The following TMTC2 variants were observed in gnomAD, a reference collection of about 807,000 sequenced individuals.
The protein encoded by TMTC2 is protein O-mannosyl-transferase TMTC2.
TMTC2 carries 43 observed loss-of-function variants against 82.4 expected under a neutral mutation model. The observed-to-expected ratio is 0.52, with a 90% confidence interval of 0.41 to 0.67. The LOEUF (loss-of-function observed/expected upper bound fraction) is 0.67, where lower values mean the gene tolerates loss of function less well. TMTC2 is among the 30% of genes least tolerant of loss of function. The probability of loss-of-function intolerance (pLI) is 0.00; values close to 1 mark genes in which losing one functional copy is unlikely to be tolerated. For synonymous variants in TMTC2, 408 were observed against 381.9 expected, an observed-to-expected ratio of 1.07 and a Z score of -0.80; for missense variants, 919 against 1,012.4, an observed-to-expected ratio of 0.91 and a Z score of 1.25.
rs1456761306 is a variant in TMTC2 at position 82,724,379 on chromosome 12, G to GT, written c.83+36711dup. Among the ~76,000 whole-genome samples, 4 of 152,226 alleles carry GT rather than the reference G, an allele frequency of 2.6e-5. No individual in the cohort carries two copies. In the East Asian group the frequency reaches 7.7e-4, roughly 29 times the overall value. On this transcript the variant is annotated intron_variant, in intron 1 of 11. Coordinates refer to ENST00000321196, the MANE Select transcript of TMTC2 (RefSeq NM_152588.3). ...TCGAATTGTATATGTATAACCCCCC[G>GT]TGTTGAGGGAGGAACCTAGTGGGAG...
chr12:82,960,430 G>T (rs2137294277), intron 4 of TMTC2, among the ~76,000 whole-genome samples: 1 of 152,120 alleles, frequency 6.6e-6, no homozygotes, highest in East Asian at 1.9e-4. Context: ...AATCACCAGG[G>T]AATACTACAC....
intron 1 of TMTC2, among the ~76,000 whole-genome samples, chr12:82,838,809 A>G (rs1870187193): frequency 6.9e-6 from 1 of 144,560 alleles, no homozygotes; most frequent in Non-Finnish European, 1.5e-5. Context: ...TGAGATGAGT[A>G]GGACGATGGC....
intron 8 of TMTC2, among the ~76,000 whole-genome samples, chr12:83,018,774 G>A (rs367652971): frequency 3.3e-5 from 5 of 151,644 alleles, no homozygotes; most frequent in African/African-American, 1.2e-4. Context: ...CGGAAACTAT[G>A]CCATCCATCA....
intron 1 of TMTC2, among the ~76,000 whole-genome samples, chr12:82,844,410 A>T (rs569217450): frequency 6.6e-5 from 10 of 152,306 alleles, no homozygotes; most frequent in African/African-American, 2.2e-4. Flanking sequence ...AGGCACAAAG[A>T]TTATACCTTT....
intron 3 of TMTC2, among the ~76,000 whole-genome samples, chr12:82,904,728 C>T (rs562906248): frequency 2.0e-5 from 3 of 152,248 alleles, no homozygotes; most frequent in South Asian, 2.1e-4. Flanking sequence ...CATATTGATT[C>T]GTATTTGCTT....
chr12:82,744,581 T>TAAAAAAA (rs369793885), intron 1 of TMTC2, among the ~76,000 whole-genome samples: 2,446 of 115,496 alleles, frequency 0.021, 107 homozygotes, highest in Middle Eastern at 0.097. Flanking sequence ...ACTCTGACTC[T>TAAAAAAA]AAAAAAAAAA....
intron 1 of TMTC2, among the ~76,000 whole-genome samples, chr12:82,735,747 A>G (rs1228027394): frequency 1.3e-5 from 2 of 151,778 alleles, no homozygotes; most frequent in Non-Finnish European, 2.9e-5. Context: ...CAGGTGGATC[A>G]TGAGGTCAGG....
intron 1 of TMTC2, among the ~76,000 whole-genome samples, chr12:82,744,815 A>G (rs1034531607): frequency 6.6e-6 from 1 of 152,150 alleles, no homozygotes; most frequent in Admixed American, 6.5e-5. Flanking sequence ...TATCCCACAT[A>G]CATAGTAAGC....
chr12:82,853,934 G>GT (rs1429167876), intron 1 of TMTC2, among the ~76,000 whole-genome samples: 11 of 149,312 alleles, frequency 7.4e-5, no homozygotes, highest in Non-Finnish European at 1.5e-4. Flanking sequence ...CAGTTTGGCA[G>GT]TTGTTTTTTT....
At chr12:83,009,472 T>C (rs1347230565) in intron 8 of TMTC2, among the ~76,000 whole-genome samples, 1 of 152,146 alleles carries the variant, frequency 6.6e-6, no homozygotes, top group Non-Finnish European at 1.5e-5. Flanking sequence ...AGGTCTCCAC[T>C]ATGATTCTCT....
intron 1 of TMTC2, among the ~76,000 whole-genome samples, chr12:82,837,123 A>G (rs1252536577): frequency 6.6e-6 from 1 of 152,222 alleles, no homozygotes; most frequent in Non-Finnish European, 1.5e-5. Flanking sequence ...GGAGCCTCTC[A>G]TTGAGATATG....
rs981248033 is a variant in TMTC2 at position 82,696,906 on chromosome 12, TC to T, written c.83+9240del. 5.3e-5 allele frequency among the ~76,000 whole-genome samples: 8 copies of T among 151,378 alleles called. No individual in the cohort carries two copies. The South Asian group carries it at 1.0e-3, about 20-fold the overall frequency. ...CCAGTTTTTTGGAGCTAGAAGCATC[TC>T]CCTAAAGGGATGCTGAGATGGCTTC... is the stretch of plus-strand genomic sequence containing the variant. On this transcript the variant is annotated intron_variant, in intron 1 of 11. Coordinates refer to ENST00000321196, the MANE Select transcript of TMTC2 (RefSeq NM_152588.3).
At chr12:83,031,404 T>C (rs1333545003) in intron 9 of TMTC2, among the ~76,000 whole-genome samples, 1 of 152,198 alleles carries the variant, frequency 6.6e-6, no homozygotes, top group Non-Finnish European at 1.5e-5. Context: ...CGTTTAGCCT[T>C]GGCCTTAATC....
At chr12:82,803,728 C>G (rs572638536) in intron 1 of TMTC2, among the ~76,000 whole-genome samples, 8 of 152,138 alleles carry the variant, frequency 5.3e-5, no homozygotes, top group African/African-American at 1.9e-4. Context: ...TGCAGGCAGC[C>G]CACCCCAAGG....
At chr12:82,902,928 C>A (rs906194169) in intron 3 of TMTC2, among the ~76,000 whole-genome samples, 13 of 152,216 alleles carry the variant, frequency 8.5e-5, no homozygotes, top group South Asian at 2.1e-4. Context: ...CTCTAGCTAG[C>A]TAGATAGATT....
At chr12:83,038,167 T>G in intron 9 of TMTC2, among the ~76,000 whole-genome samples, 2 of 147,626 alleles carry the variant, frequency 1.4e-5, no homozygotes, top group African/African-American at 2.5e-5. Context: ...GGGATAGCAT[T>G]AGGAGATATA....
intron 11 of TMTC2, among the ~76,000 whole-genome samples, chr12:83,105,308 A>G (rs1294133900): frequency 2.0e-5 from 3 of 152,090 alleles, no homozygotes; most frequent in Non-Finnish European, 4.4e-5. Context: ...AGGTACCTTT[A>G]TAGCAGTGCC....
At chr12:83,098,577 T>C (rs1884108814) in intron 11 of TMTC2, among the ~76,000 whole-genome samples, 1 of 152,228 alleles carries the variant, frequency 6.6e-6, no homozygotes, top group African/African-American at 2.4e-5. Flanking sequence ...AAAATACCCT[T>C]TGACATAGCA....
At chr12:83,061,698 T>C (rs1352673878) in intron 10 of TMTC2, 70 bp from the exon 11 acceptor site, 1 of 1,341,768 alleles carries the variant, frequency 7.5e-7, no homozygotes, top group Non-Finnish European at 1.0e-6. Flanking sequence ...AACATTATTT[T>C]ACTGCACAGT....
Sources: gnomAD v4.1 joint callset for allele counts (sites outside exome capture counted in the v4.1 genomes callset) on GRCh38, gnomAD v4.1.1 for gene constraint, MANE v1.5 for transcripts, NCBI Gene and HGNC (gene_info 2026-07-23, HGNC 2026-07-21) for gene names.